Variants in CGNL1 observed in about 807,000 individuals in gnomAD.
The protein encoded by CGNL1 is cingulin-like protein 1.
In CGNL1, 132 loss-of-function variants were observed where a neutral mutation model predicts 141.2. The ratio of observed to expected loss-of-function variants is 0.93; its 90% CI spans 0.81 to 1.08. The LOEUF (loss-of-function observed/expected upper bound fraction) is 1.08. CGNL1 is among the 50% of genes least tolerant of loss of function. The pLI is 0.00. For synonymous variants in CGNL1, 690 were observed against 622.1 expected, an observed-to-expected ratio of 1.11 and a Z score of -1.63; for missense variants, 1,870 against 1,588.6, an observed-to-expected ratio of 1.18 and a Z score of -3.01.
At chr15:57,402,099 A>G (rs1372855418) in intron 1 of CGNL1, 1 of 152,190 alleles carries the variant, frequency 6.6e-6, no homozygotes, top group Non-Finnish European at 1.5e-5. Flanking sequence ...TGTAAATCTC[A>G]TGTTGAATTG....
chr15:57,460,630 A>G (rs559661042), intron 7 of CGNL1, among the ~76,000 whole-genome samples: 4 of 152,290 alleles, frequency 2.6e-5, no homozygotes, highest in Admixed American at 2.6e-4. Flanking sequence ...AACAGGAGAG[A>G]GAGTGAGCAA....
intron 8 of CGNL1, chr15:57,478,289 C>CAACATGTA (rs1283100244): frequency 3.3e-5 from 5 of 152,224 alleles, no homozygotes; most frequent in African/African-American, 1.2e-4. Flanking sequence ...GGCGGCAGAA[C>CAACATGTA]AACATGTGGG....
At chr15:57,383,295 T>TTTTTTTTTTTTTTG (rs1466558821) in intron 1 of CGNL1, among the ~76,000 whole-genome samples, 1 of 136,836 alleles carries the variant, frequency 7.3e-6, no homozygotes, top group African/African-American at 2.8e-5. Context: ...TTTCTTCCTT[T>TTTTTTTTTTTTTTG]TTTTTTTTTT....
chr15:57,395,616 G>C (rs1664448), intron 1 of CGNL1, among the ~76,000 whole-genome samples: 1 of 151,772 alleles, frequency 6.6e-6, no homozygotes, highest in Non-Finnish European at 1.5e-5. Context: ...CCCCAAGTAA[G>C]ACATGAGTAG....
At chr15:57,382,903 A>G (rs1263812708) in intron 1 of CGNL1, among the ~76,000 whole-genome samples, 2 of 152,226 alleles carry the variant, frequency 1.3e-5, no homozygotes. Context: ...ATTACAAAAG[A>G]AAAGGAAATG....
chr15:57,490,442 A>T (rs2063843868), intron 8 of CGNL1, among the ~76,000 whole-genome samples: 1 of 152,024 alleles, frequency 6.6e-6, no homozygotes, highest in Non-Finnish European at 1.5e-5. Flanking sequence ...ACTCACATTG[A>T]TGAGGTATGG....
intron 8 of CGNL1, among the ~76,000 whole-genome samples, chr15:57,502,720 C>G: frequency 6.6e-6 from 1 of 152,174 alleles, no homozygotes; most frequent in East Asian, 1.9e-4. Flanking sequence ...TGAACTTTCT[C>G]TGGGACTTTA....
At chr15:57,466,338 G>C (rs1440018183) in intron 8 of CGNL1, among the ~76,000 whole-genome samples, 1 of 152,180 alleles carries the variant, frequency 6.6e-6, no homozygotes, top group Non-Finnish European at 1.5e-5. Context: ...GTGAATGACT[G>C]CCATCTGGGA....
Position 57,547,585 on chromosome 15 carries a change from A to ACAGGG in CGNL1, c.*95_*96insCAGGG. The ACAGGG allele has an allele frequency of 7.0e-7, 1 of 1,423,638 alleles. No homozygotes were observed. The highest frequency in any genetic ancestry group is 9.6e-7 in the Non-Finnish European group (1 of 1,039,096). 88.2% of individuals were successfully genotyped at this position (1,423,638 alleles called of 1,614,324 possible). A position where few individuals can be genotyped will look rare whatever the true frequency, so the allele number is the denominator to read the frequency against. On this transcript the variant is annotated 3_prime_UTR_variant, in exon 19 of 19. Coordinates refer to ENST00000281282, the MANE Select transcript of CGNL1 (RefSeq NM_032866.5). ...GGAGGGGAGCATCTGTCTGCCACTGAGACCAATCACAGCCTCTTTGCACAG... is the reference window on the plus strand; with the variant it reads ...GGAGGGGAGCATCTGTCTGCCACTGACAGGGGACCAATCACAGCCTCTTTGCACAG...
chr15:57,388,616 T>A (rs780706327), intron 1 of CGNL1, among the ~76,000 whole-genome samples: 1 of 152,258 alleles, frequency 6.6e-6, no homozygotes, highest in Non-Finnish European at 1.5e-5. Context: ...ATCATAGAAA[T>A]GCTTCTTGTT....
intron 8 of CGNL1, among the ~76,000 whole-genome samples, chr15:57,476,932 C>G (rs1386125036): frequency 6.6e-6 from 1 of 152,168 alleles, no homozygotes; most frequent in Non-Finnish European, 1.5e-5. Flanking sequence ...CATGCACGGG[C>G]CTTATCCTTG....
intron 6 of CGNL1, 98 bp from the exon 7 acceptor site, chr15:57,453,585 T>G: frequency 1.3e-6 from 2 of 1,490,870 alleles, no homozygotes; most frequent in Non-Finnish European, 1.8e-6. Flanking sequence ...CCTTGGGGCT[T>G]TAGAGACTTG....
chr15:57,535,363 T>G (rs2032203937), intron 14 of CGNL1, among the ~76,000 whole-genome samples: 1 of 152,114 alleles, frequency 6.6e-6, no homozygotes, highest in South Asian at 2.1e-4. Context: ...TAGAAAACAG[T>G]GGATACTAAA....
intron 1 of CGNL1, among the ~76,000 whole-genome samples, chr15:57,377,329 C>T (rs1343056946): frequency 6.6e-6 from 1 of 152,216 alleles, no homozygotes; most frequent in Non-Finnish European, 1.5e-5. Flanking sequence ...CATTGGTTCT[C>T]AAACTTGGCC....
chr15:57,535,182 C>G (rs2032191483), intron 14 of CGNL1, among the ~76,000 whole-genome samples: 2 of 152,156 alleles, frequency 1.3e-5, no homozygotes, highest in Admixed American at 6.5e-5. Flanking sequence ...GCTTAGGTCT[C>G]AATTTCCAAG....
In CGNL1 at chr15:57,545,719, C is replaced by T. The variant is rs769540633; in HGVS notation, c.3609+19C>T. The T allele has an allele frequency of 3.8e-6, 6 of 1,588,282 alleles. No individual in the cohort carries two copies. The East Asian group carries it at 9.0e-5, about 24-fold the overall frequency. Reference sequence around the variant, plus strand: ...GGACCAGGTGGGGAGCCTCTGCGTGCATTTGCTCTTAGATGAGATTGCGTG... The same window carrying T: ...GGACCAGGTGGGGAGCCTCTGCGTGTATTTGCTCTTAGATGAGATTGCGTG... On this transcript the variant is annotated intron_variant, in intron 17 of 18. Transcript: ENST00000281282.
chr15:57,426,911 C>A (rs117127912), intron 1 of CGNL1, among the ~76,000 whole-genome samples: 2 of 152,148 alleles, frequency 1.3e-5, no homozygotes, highest in East Asian at 1.9e-4. Context: ...TGCCAGGGAG[C>A]CTGGGGCAGA....
At chr15:57,539,329 C>T (rs1446826459) in intron 14 of CGNL1, among the ~76,000 whole-genome samples, 1 of 152,132 alleles carries the variant, frequency 6.6e-6, no homozygotes, top group African/African-American at 2.4e-5. Flanking sequence ...GGATCCTCTT[C>T]CTCTCCCCAC....
At position 57,452,210 on chromosome 15, in the gene CGNL1, A is replaced by G. The variant is rs781587388; in HGVS notation, c.1975A>G (p.Asn659Asp). The G allele has an allele frequency of 1.2e-6, 2 of 1,613,940 alleles. No homozygotes were observed. The highest frequency in any genetic ancestry group is 1.7e-6 in the Non-Finnish European group (2 of 1,179,968). The part of the protein sequence containing the change: ...ANLEELRSQH[N>D]EKVEENSTLQ... ...CCTAGAAGAGCTCCGAAGCCAACACAACGAAAAGGTGGAGGAGAACTCCAC... is the reference window on the plus strand; with the variant it reads ...CCTAGAAGAGCTCCGAAGCCAACACGACGAAAAGGTGGAGGAGAACTCCAC... The change falls in exon 6 of 19, where the codon AAC (asparagine) becomes GAC (aspartate). Residue 659 changes from asparagine to aspartate, a missense_variant. Transcript: ENST00000281282.
Sources: gnomAD v4.1 joint callset for allele counts (sites outside exome capture counted in the v4.1 genomes callset) on GRCh38, gnomAD v4.1.1 for gene constraint, MANE v1.5 for transcripts, NCBI Gene and HGNC (gene_info 2026-07-23, HGNC 2026-07-21) for gene names.